Variants in FOXP1 observed in about 807,000 individuals in gnomAD.
FOXP1 encodes the protein forkhead box P1, also known as forkhead box protein P1.
In FOXP1, 15 loss-of-function variants were observed where a neutral mutation model predicts 98.2. That is an observed-to-expected ratio of 0.15 (90% CI 0.10 to 0.24). The LOEUF (loss-of-function observed/expected upper bound fraction) is 0.24, where lower values mean the gene tolerates loss of function less well. Ranked by LOEUF, FOXP1 falls within the 10% of genes least tolerant of loss-of-function variation. FOXP1 has a pLI of 1.00. For missense variants in FOXP1, 633 were observed against 848.5 expected, an observed-to-expected ratio of 0.75 and a Z score of 3.15; for synonymous variants, 371 against 314.5, an observed-to-expected ratio of 1.18 and a Z score of -1.90.
In FOXP1 at chr3:71,058,748, T is replaced by TC. The variant is rs747584799; in HGVS notation, c.283-4976_283-4975insG. Among the ~76,000 whole-genome samples, 23 of 152,144 alleles carry TC rather than the reference T, an allele frequency of 1.5e-4. No homozygotes were observed. In the East Asian group the frequency reaches 3.9e-3, roughly 26 times the overall value. On this transcript the variant is annotated intron_variant, in intron 7 of 20. Transcript: ENST00000649528. ...CAAGTCAATGGATACAACAGATGTA[T>TC]TGGCAAACAGAAAAGTTAGAAAGCT... is the stretch of plus-strand genomic sequence containing the variant.
chr3:71,238,401 G>C (rs954233161), intron 5 of FOXP1, among the ~76,000 whole-genome samples: 1 of 152,150 alleles, frequency 6.6e-6, no homozygotes, highest in African/African-American at 2.4e-5. Context: ...ATAAATGAAT[G>C]TACAAAGTAT....
intron 2 of FOXP1, among the ~76,000 whole-genome samples, chr3:71,515,718 A>G (rs1472901683): frequency 6.6e-6 from 1 of 152,214 alleles, no homozygotes; most frequent in East Asian, 1.9e-4. Context: ...TTGTGAAGAA[A>G]ACAGCACTTA....
Position 71,380,698 on chromosome 3 carries a change from ATTTT to A in FOXP1, c.-167-21458_-167-21455del, listed in dbSNP as rs11395817. On this transcript the variant is annotated intron_variant, in intron 3 of 20. Transcript: ENST00000649528. ...CAGTTTGACTATACTCTTTTTAGAC[ATTTT>A]TTTTTTTTTTTTTTTTTGCAAAACA... Among the ~76,000 whole-genome samples the A allele has an allele frequency of 1.0e-4, 10 of 100,292 alleles. No homozygotes were observed. In the East Asian group the frequency reaches 2.6e-3, roughly 26 times the overall value. The allele number at this position is 100,292 out of a possible 152,430, so 65.8% of individuals were successfully genotyped here. A position where few individuals can be genotyped will look rare whatever the true frequency, so the allele number is the denominator to read the frequency against.
intron 3 of FOXP1, among the ~76,000 whole-genome samples, chr3:71,425,963 C>CT (rs1183175903): frequency 6.6e-6 from 1 of 152,184 alleles, no homozygotes; most frequent in African/African-American, 2.4e-5. Flanking sequence ...AGACCACAGT[C>CT]TGCAGGCCAG....
At chr3:71,273,684 G>A (rs1273588416) in intron 5 of FOXP1, among the ~76,000 whole-genome samples, 1 of 152,130 alleles carries the variant, frequency 6.6e-6, no homozygotes, top group Admixed American at 6.5e-5. Context: ...GGCACTAACT[G>A]TGCAGCCCAG....
intron 7 of FOXP1, among the ~76,000 whole-genome samples, chr3:71,085,649 C>T (rs991459628): frequency 3.4e-4 from 51 of 150,992 alleles, no homozygotes; most frequent in African/African-American, 1.1e-3. Flanking sequence ...TTTCGTTAAG[C>T]GTATGTCACA....
At chr3:71,130,604 G>A (rs1039985447) in intron 6 of FOXP1, 5 of 1,598,254 alleles carry the variant, frequency 3.1e-6, no homozygotes, top group East Asian at 2.2e-5. Context: ...GGGGGTTGCC[G>A]AGTGGTAAAA....
rs28539842 is a variant in FOXP1, at chr3:71,112,918, G to A, written c.181-281C>T. Among the ~76,000 whole-genome samples, 13 of 152,224 alleles carry A rather than the reference G, an allele frequency of 8.5e-5. No homozygotes were observed. The East Asian group carries it at 2.5e-3, about 29-fold the overall frequency. Reference sequence around the variant, plus strand: ...TCTGACATGAAATTTAAGACCATGAGTGATTGAGACTCTGAACAAAGATGA... The same window carrying A: ...TCTGACATGAAATTTAAGACCATGAATGATTGAGACTCTGAACAAAGATGA... On this transcript the variant is annotated intron_variant, in intron 6 of 20. Transcript: ENST00000649528.
At chr3:71,259,603 C>A (rs2068925361) in intron 5 of FOXP1, among the ~76,000 whole-genome samples, 1 of 152,094 alleles carries the variant, frequency 6.6e-6, no homozygotes, top group African/African-American at 2.4e-5. Flanking sequence ...CCCCAATCGA[C>A]TGATTTTTCA....
At chr3:71,008,503 T>C (rs2043092492) in intron 12 of FOXP1, among the ~76,000 whole-genome samples, 1 of 152,098 alleles carries the variant, frequency 6.6e-6, no homozygotes, top group African/African-American at 2.4e-5. Flanking sequence ...ACGATTTCAT[T>C]AGAGTTAGCA....
chr3:71,475,114 T>C (rs1314545344), intron 3 of FOXP1, among the ~76,000 whole-genome samples: 1 of 152,056 alleles, frequency 6.6e-6, no homozygotes, highest in East Asian at 1.9e-4. Flanking sequence ...CAGCCCTCAC[T>C]ACAATTCCTA....
intron 2 of FOXP1, among the ~76,000 whole-genome samples, chr3:71,528,732 T>C (rs905939672): frequency 6.6e-6 from 1 of 152,166 alleles, no homozygotes; most frequent in Non-Finnish European, 1.5e-5. Flanking sequence ...GAAGAAGGCA[T>C]ACAAAACATG....
chr3:71,299,670 G>A (rs1472916673), intron 5 of FOXP1, 150 bp downstream of exon 5: 1 of 152,322 alleles, frequency 6.6e-6, no homozygotes, highest in Non-Finnish European at 1.5e-5. Context: ...TTTTTCTTAG[G>A]ACCTCCAAAA....
At chr3:71,036,226 A>G (rs954975912) in intron 11 of FOXP1, among the ~76,000 whole-genome samples, 4 of 152,178 alleles carry the variant, frequency 2.6e-5, no homozygotes, top group Non-Finnish European at 5.9e-5. Context: ...AGAAAATGCA[A>G]GCGACAGTAA....
intron 2 of FOXP1, among the ~76,000 whole-genome samples, chr3:71,534,266 G>A (rs2044104336): frequency 6.6e-6 from 1 of 152,204 alleles, no homozygotes. Flanking sequence ...AGGAGGCCAA[G>A]GCAGGAGAAT....
chr3:71,153,160 C>A (rs545538711), intron 6 of FOXP1, among the ~76,000 whole-genome samples: 1 of 152,106 alleles, frequency 6.6e-6, no homozygotes, highest in Non-Finnish European at 1.5e-5. Flanking sequence ...GGCAATTGTG[C>A]GGCACTTGGT....
chr3:71,459,581 C>T (rs933124629), intron 3 of FOXP1, among the ~76,000 whole-genome samples: 8 of 152,224 alleles, frequency 5.3e-5, no homozygotes, highest in Admixed American at 3.3e-4. Flanking sequence ...TCTCCCTCTT[C>T]GTCTTGTGTC....
intron 4 of FOXP1, among the ~76,000 whole-genome samples, chr3:71,314,886 C>T (rs1481499428): frequency 6.6e-6 from 1 of 151,794 alleles, no homozygotes; most frequent in East Asian, 1.9e-4. Context: ...CTTTTCAAGT[C>T]TGTGCATATA....
chr3:71,289,288 C>T (rs1414701271), intron 5 of FOXP1, among the ~76,000 whole-genome samples: 1 of 152,004 alleles, frequency 6.6e-6, no homozygotes, highest in Admixed American at 6.6e-5. Flanking sequence ...ATCCGCCTGC[C>T]TTGGCCTCCC....
Sources: gnomAD v4.1 joint callset for allele counts (sites outside exome capture counted in the v4.1 genomes callset) on GRCh38, gnomAD v4.1.1 for gene constraint, MANE v1.5 for transcripts, NCBI Gene and HGNC (gene_info 2026-07-23, HGNC 2026-07-21) for gene names.